ST6GAL1: variants seen among roughly 807,000 people sequenced by gnomAD.
ST6GAL1 encodes the protein ST6 beta-galactoside alpha-2,6-sialyltransferase 1, also known as beta-galactoside alpha-2,6-sialyltransferase 1.
A neutral mutation model predicts 38.0 loss-of-function variants in ST6GAL1; 20 were observed. The ratio of observed to expected loss-of-function variants is 0.53; its 90% CI spans 0.37 to 0.77. The LOEUF (loss-of-function observed/expected upper bound fraction) is 0.77. Ranked by LOEUF, ST6GAL1 falls within the 30% of genes least tolerant of loss-of-function variation. The pLI is 0.00. For missense variants in ST6GAL1, 432 were observed against 496.4 expected, an observed-to-expected ratio of 0.87 and a Z score of 1.23; for synonymous variants, 196 against 188.2, an observed-to-expected ratio of 1.04 and a Z score of -0.34.
intron 2 of ST6GAL1, among the ~76,000 whole-genome samples, chr3:187,035,284 T>G (rs1228479500): frequency 6.6e-6 from 1 of 152,222 alleles, no homozygotes; most frequent in Non-Finnish European, 1.5e-5. Context: ...CATTTCGTGT[T>G]CATGGATTAA....
chr3:187,070,295 A>T (rs1306053124), intron 5 of ST6GAL1, among the ~76,000 whole-genome samples: 2 of 151,996 alleles, frequency 1.3e-5, no homozygotes, highest in African/African-American at 4.8e-5. Context: ...GCTGGGTAAC[A>T]TCTGGCAGTC....
At chr3:187,009,152 G>A (rs902183327) in intron 2 of ST6GAL1, among the ~76,000 whole-genome samples, 3 of 134,992 alleles carry the variant, frequency 2.2e-5, no homozygotes, top group African/African-American at 8.3e-5. Flanking sequence ...AGATTATGTA[G>A]TATATAGTTT....
At chr3:187,021,106 GGA>G (rs1423129257) in intron 2 of ST6GAL1, among the ~76,000 whole-genome samples, 4 of 152,032 alleles carry the variant, frequency 2.6e-5, no homozygotes, top group African/African-American at 9.7e-5. Context: ...TGGGATTACA[GGA>G]GCATGCCACC....
chr3:187,072,209 T>G (rs1719407005), intron 5 of ST6GAL1: 1 of 153,276 alleles, frequency 6.5e-6, no homozygotes, highest in East Asian at 1.9e-4. Context: ...GAGGCACACA[T>G]GAGCTTCTCA....
intron 2 of ST6GAL1, among the ~76,000 whole-genome samples, chr3:187,014,766 G>A (rs545431084): frequency 2.0e-5 from 3 of 152,288 alleles, no homozygotes; most frequent in East Asian, 1.9e-4. Context: ...TGATGTTCTC[G>A]AGTGACTTTT....
At chr3:187,034,119 C>CGAT (rs1717847252) in intron 2 of ST6GAL1, among the ~76,000 whole-genome samples, 1 of 151,684 alleles carries the variant, frequency 6.6e-6, no homozygotes, top group Admixed American at 6.6e-5. Flanking sequence ...TCTTTGGAGA[C>CGAT]TATTAATACC....
At chr3:186,982,992 C>G (rs1715745988) in intron 2 of ST6GAL1, among the ~76,000 whole-genome samples, 1 of 151,950 alleles carries the variant, frequency 6.6e-6, no homozygotes, top group Non-Finnish European at 1.5e-5. Context: ...CCAATTCTCT[C>G]TTTTTAATAG....
intron 1 of ST6GAL1, among the ~76,000 whole-genome samples, chr3:186,945,850 G>T (rs1714341326): frequency 6.6e-6 from 1 of 151,684 alleles, no homozygotes; most frequent in African/African-American, 2.4e-5. Context: ...AATTAGCCAG[G>T]CGTGGTGGTG....
chr3:186,936,005 T>C (rs1348449257), intron 1 of ST6GAL1, among the ~76,000 whole-genome samples: 1 of 151,416 alleles, frequency 6.6e-6, no homozygotes, highest in Admixed American at 6.6e-5. Context: ...GAGGGGGTCT[T>C]GTGCTTAGCC....
chr3:187,055,054 A>G (rs983600218), intron 5 of ST6GAL1, among the ~76,000 whole-genome samples: 1 of 151,892 alleles, frequency 6.6e-6, no homozygotes, highest in African/African-American at 2.4e-5. Context: ...GAATTTATCC[A>G]TTTCTTCTAG....
At chr3:187,030,657 C>T (rs1391821350) in intron 2 of ST6GAL1, among the ~76,000 whole-genome samples, 6 of 152,178 alleles carry the variant, frequency 3.9e-5, no homozygotes, top group African/African-American at 9.7e-5. Context: ...TGGTCTCGAA[C>T]TCCTAACCTC....
At chr3:187,062,574 T>TCACACACACA (rs57175575) in intron 5 of ST6GAL1, among the ~76,000 whole-genome samples, 2,766 of 143,866 alleles carry the variant, frequency 0.019, 41 homozygotes, top group South Asian at 0.064. Context: ...AATAAGCCAG[T>TCACACACACA]CACACACACA....
Position 187,072,958 on chromosome 3 carries a change from G to A in ST6GAL1, c.804+11G>A, listed in dbSNP as rs1024009178. 5 of 1,601,632 alleles carry A rather than the reference G, an allele frequency of 3.1e-6. No individual in the cohort carries two copies. Among genetic ancestry groups the A allele is most frequent in the African/African-American group, 2.7e-5 (2 of 74,800 alleles). On this transcript the variant is annotated intron_variant, in intron 6 of 7. Coordinates refer to ENST00000169298, the MANE Select transcript of ST6GAL1 (RefSeq NM_173216.2). ...TCAGATATCCCAAAGGTAAGTGGGT[G>A]TCCGTGGGAAATAGGGGTTGAGTTT...
chr3:187,066,339 A>C (rs1442611635), intron 5 of ST6GAL1, among the ~76,000 whole-genome samples: 1 of 152,068 alleles, frequency 6.6e-6, no homozygotes, highest in Non-Finnish European at 1.5e-5. Context: ...TGCGTGGTGG[A>C]AAGAGAGAGC....
At chr3:187,015,826 G>T (rs1301409749) in intron 2 of ST6GAL1, among the ~76,000 whole-genome samples, 1 of 152,050 alleles carries the variant, frequency 6.6e-6, no homozygotes, top group Admixed American at 6.6e-5. Context: ...GTGACACAGT[G>T]ACAACTTGTC....
chr3:187,020,877 G>A (rs1361504775), intron 2 of ST6GAL1, among the ~76,000 whole-genome samples: 1 of 152,162 alleles, frequency 6.6e-6, no homozygotes, highest in Non-Finnish European at 1.5e-5. Flanking sequence ...ATCAGTACAT[G>A]GAAGGTAACT....
At chr3:186,938,960 G>A (rs1028462385) in intron 1 of ST6GAL1, among the ~76,000 whole-genome samples, 10 of 151,934 alleles carry the variant, frequency 6.6e-5, no homozygotes, top group African/African-American at 2.2e-4. Flanking sequence ...CTGTGTGTGT[G>A]TATGTGTGTG....
intron 5 of ST6GAL1, 168 bp from the exon 6 acceptor site, chr3:187,072,681 C>T (rs1719427793): frequency 2.9e-6 from 2 of 696,320 alleles, no homozygotes; most frequent in Admixed American, 1.8e-5. Flanking sequence ...ACAGTGCAGG[C>T]TGGTATCTTT....
chr3:186,992,857 G>A (rs1037324029), intron 2 of ST6GAL1, among the ~76,000 whole-genome samples: 6 of 152,272 alleles, frequency 3.9e-5, no homozygotes, highest in Middle Eastern at 3.4e-3. Flanking sequence ...CAAATTAGAC[G>A]TGGTCCTTGC....
Sources: allele counts gnomAD v4.1 joint callset (sites outside exome capture counted in the v4.1 genomes callset), GRCh38; gene constraint gnomAD v4.1.1; transcripts MANE v1.5; gene names NCBI Gene and HGNC (gene_info 2026-07-23, HGNC 2026-07-21).